Variants in FMNL3 observed in about 807,000 individuals in gnomAD.
FMNL3 encodes formin like 3.
FMNL3 carries 57 observed loss-of-function variants against 119.6 expected under a neutral mutation model. That is an observed-to-expected ratio of 0.48 (90% CI 0.39 to 0.59). The LOEUF (loss-of-function observed/expected upper bound fraction) is 0.59, where lower values mean the gene tolerates loss of function less well. Among genes scored for constraint, FMNL3 ranks in the 20% least tolerant of loss-of-function variants. The probability of loss-of-function intolerance (pLI) is 0.00; values close to 1 mark genes in which losing one functional copy is unlikely to be tolerated. For synonymous variants in FMNL3, 491 were observed against 507.3 expected, an observed-to-expected ratio of 0.97 and a Z score of 0.43; for missense variants, 1,053 against 1,323.5, an observed-to-expected ratio of 0.80 and a Z score of 3.17.
At chr12:49,654,061 TC>T in intron 11 of FMNL3, 130 bp downstream of exon 11, 1 of 1,154,206 alleles carries the variant, frequency 8.7e-7, no homozygotes. Flanking sequence ...AGGTCCTGAG[TC>T]CCAGGCTACA....
rs1490254241 is a variant in FMNL3 at position 49,638,395 on chromosome 12, C to G, written c.*7420G>C. ...CTGGATTTGCAAGGCATTCTGCAGACTCAAGCTGAGATGCCACTTTAGAAA... is the reference window on the plus strand; with the variant it reads ...CTGGATTTGCAAGGCATTCTGCAGAGTCAAGCTGAGATGCCACTTTAGAAA... On this transcript the variant is annotated 3_prime_UTR_variant, in exon 26 of 26. Transcript: ENST00000335154. 6.6e-6 allele frequency: 1 copy of G among 152,388 alleles called. No individual in the cohort carries two copies. The highest frequency in any genetic ancestry group is 1.5e-5 in the Non-Finnish European group (1 of 68,180). The allele number at this position is 152,388 out of a possible 1,614,324, so 9.4% of individuals were successfully genotyped here. A position where few individuals can be genotyped will look rare whatever the true frequency, so the allele number is the denominator to read the frequency against.
intron 1 of FMNL3, among the ~76,000 whole-genome samples, chr12:49,692,900 AG>A (rs1464813783): frequency 1.3e-5 from 2 of 152,224 alleles, no homozygotes; most frequent in Non-Finnish European, 2.9e-5. Context: ...AGTATAAACT[AG>A]AAAGAGTCGT....
chr12:49,668,089 C>G (rs1415768590), intron 2 of FMNL3, among the ~76,000 whole-genome samples: 3 of 152,174 alleles, frequency 2.0e-5, no homozygotes, highest in African/African-American at 4.8e-5. Context: ...TTCCTAGAGG[C>G]CCTGAGATAA....
rs377379498 is a variant in FMNL3, at chr12:49,646,531, G to A, written c.2995+355C>T. 1.4e-4 allele frequency: 118 copies of A among 835,598 alleles called. 1 individual carries two copies. In the East Asian group the frequency reaches 1.4e-3, roughly 10 times the overall value. The allele number at this position is 835,598 out of a possible 1,614,324, so 51.8% of individuals were successfully genotyped here. A position where few individuals can be genotyped will look rare whatever the true frequency, so the allele number is the denominator to read the frequency against. On this transcript the variant is annotated intron_variant, in intron 25 of 25. Transcript: ENST00000335154. ...AAGTATGTGTCCCCATTGCTGGGAGGCTGCCAGAGGGTGATTGCAAGTCAT... is the reference window on the plus strand; with the variant it reads ...AAGTATGTGTCCCCATTGCTGGGAGACTGCCAGAGGGTGATTGCAAGTCAT...
chr12:49,663,566 C>T (rs575406464), intron 4 of FMNL3, among the ~76,000 whole-genome samples: 49 of 152,234 alleles, frequency 3.2e-4, no homozygotes, highest in Non-Finnish European at 5.3e-4. Context: ...CCAGAGAAGC[C>T]GCAGTTCAGA....
At chr12:49,690,503 G>T (rs755613800) in intron 1 of FMNL3, among the ~76,000 whole-genome samples, 1 of 152,014 alleles carries the variant, frequency 6.6e-6, no homozygotes, top group African/African-American at 2.4e-5. Context: ...GGAATTCTTA[G>T]ATTTTTCACC....
chr12:49,641,400 T>TG lies in FMNL3; in HGVS notation c.*4414dup, dbSNP rs1254508074. Reference sequence around the variant, plus strand: ...CAAGTGCTCTAGTTTCTCTGAACCTTGGTTTCTCCTTCTGTGTAAAATTAG... The same window carrying TG: ...CAAGTGCTCTAGTTTCTCTGAACCTTGGGTTTCTCCTTCTGTGTAAAATTAG... On this transcript the variant is annotated 3_prime_UTR_variant, in exon 26 of 26. Transcript: ENST00000335154. 1.3e-5 allele frequency: 2 copies of TG among 153,208 alleles called. No individual in the cohort carries two copies. Among genetic ancestry groups the TG allele is most frequent in the African/African-American group, 4.8e-5 (2 of 41,476 alleles). The allele number at this position is 153,208 out of a possible 1,614,324, so 9.5% of individuals were successfully genotyped here.
At chr12:49,651,713 T>C (rs1943407817) in intron 14 of FMNL3, among the ~76,000 whole-genome samples, 1 of 152,250 alleles carries the variant, frequency 6.6e-6, no homozygotes, top group African/African-American at 2.4e-5. Flanking sequence ...AACATCTTTA[T>C]GATCCTTAAA....
chr12:49,653,192 C>G, intron 13 of FMNL3, 34 bp downstream of exon 13: 1 of 1,589,908 alleles, frequency 6.3e-7, no homozygotes, highest in South Asian at 1.1e-5. Context: ...AGCCCAGGAT[C>G]AGTCAGGGAC....
intron 22 of FMNL3, 131 bp downstream of exon 22, chr12:49,648,062 G>T: frequency 8.3e-7 from 1 of 1,198,010 alleles, no homozygotes; most frequent in Non-Finnish European, 1.1e-6. Flanking sequence ...CACTCCCAAA[G>T]CGCTCTCTCT....
intron 1 of FMNL3, among the ~76,000 whole-genome samples, chr12:49,676,173 T>A (rs188279525): frequency 1.3e-5 from 2 of 152,276 alleles, no homozygotes; most frequent in Admixed American, 6.5e-5. Flanking sequence ...CTCCTCCTCC[T>A]CCTTAGTAGT....
chr12:49,654,791 T>C, intron 10 of FMNL3, 119 bp downstream of exon 10: 2 of 963,126 alleles, frequency 2.1e-6, no homozygotes, highest in East Asian at 2.5e-5. Flanking sequence ...ATTTGCTGAA[T>C]AGAATCATTC....
chr12:49,674,742 C>T (rs1944137972), intron 1 of FMNL3, among the ~76,000 whole-genome samples: 1 of 152,232 alleles, frequency 6.6e-6, no homozygotes, highest in Non-Finnish European at 1.5e-5. Context: ...AAAGCCAGCT[C>T]TCACAGGCTC....
At chr12:49,690,698 C>T (rs527528449) in intron 1 of FMNL3, among the ~76,000 whole-genome samples, 28 of 152,314 alleles carry the variant, frequency 1.8e-4, no homozygotes, top group African/African-American at 6.3e-4. Context: ...GGTAAACTTT[C>T]CCCTATATTC....
In FMNL3 at chr12:49,652,239, GA is replaced by G. The variant is rs780113076; in HGVS notation, c.1324-28del. 2.5e-6 allele frequency: 4 copies of G among 1,603,244 alleles called. No individual in the cohort carries two copies. In the South Asian group the frequency reaches 4.5e-5, roughly 18 times the overall value. Reference sequence around the variant, plus strand: ...TGGCAGGCAGACAGCACCATTAAGGGAAAAGTGGGCTGAAGGCATAGTCATT... The same window carrying G: ...TGGCAGGCAGACAGCACCATTAAGGGAAAGTGGGCTGAAGGCATAGTCATT... On this transcript the variant is annotated intron_variant, in intron 13 of 25. Transcript: ENST00000335154.
chr12:49,706,192 G>C (rs908960563), intron 1 of FMNL3, among the ~76,000 whole-genome samples: 6 of 152,084 alleles, frequency 3.9e-5, no homozygotes, highest in African/African-American at 1.4e-4. Flanking sequence ...AGAACCTCTC[G>C]CTTCATAGAG....
chr12:49,694,860 C>T (rs1240042924), intron 1 of FMNL3, among the ~76,000 whole-genome samples: 1 of 151,662 alleles, frequency 6.6e-6, no homozygotes, highest in Non-Finnish European at 1.5e-5. Flanking sequence ...TGCAGAGAGC[C>T]GAGATTGCGC....
rs780805874 is a variant in FMNL3 at position 49,643,670 on chromosome 12, T to C, written c.*2145A>G. On this transcript the variant is annotated 3_prime_UTR_variant, in exon 26 of 26. Coordinates refer to ENST00000335154, the MANE Select transcript of FMNL3 (RefSeq NM_175736.5). ...CTGTCTTTCTCCTGTTGGGACTTAGTAGGGATTTTTCTATCTCTAGATCAT... is the reference window on the plus strand; with the variant it reads ...CTGTCTTTCTCCTGTTGGGACTTAGCAGGGATTTTTCTATCTCTAGATCAT... The C allele has an allele frequency of 1.5e-5, 24 of 1,610,486 alleles. No homozygotes were observed. Among genetic ancestry groups the C allele is most frequent in the Admixed American group, 1.7e-5 (1 of 59,238 alleles).
intron 1 of FMNL3, among the ~76,000 whole-genome samples, chr12:49,679,072 T>C (rs534943067): frequency 6.6e-6 from 1 of 152,318 alleles, no homozygotes; most frequent in East Asian, 1.9e-4. Flanking sequence ...CTAACATTTA[T>C]TGACAGAACT....
Sources: gnomAD v4.1 joint callset for allele counts (sites outside exome capture counted in the v4.1 genomes callset) on GRCh38, gnomAD v4.1.1 for gene constraint, MANE v1.5 for transcripts, NCBI Gene and HGNC (gene_info 2026-07-23, HGNC 2026-07-21) for gene names.